Variants in MGRN1 observed in about 807,000 individuals in gnomAD.
MGRN1 encodes mahogunin ring finger 1.
MGRN1 carries 29 observed loss-of-function variants against 69.2 expected under a neutral mutation model. The observed-to-expected ratio is 0.42, with a 90% CI of 0.31 to 0.57. The LOEUF (loss-of-function observed/expected upper bound fraction) is 0.57, where lower values mean the gene tolerates loss of function less well. MGRN1 is among the 20% of genes least tolerant of loss of function. The probability of loss-of-function intolerance (pLI) is 0.15; values close to 1 mark genes in which losing one functional copy is unlikely to be tolerated. For missense variants in MGRN1, 998 were observed against 796.2 expected, an observed-to-expected ratio of 1.25 and a Z score of -3.05; for synonymous variants, 470 against 344.2, an observed-to-expected ratio of 1.37 and a Z score of -4.04.
Position 4,652,950 on chromosome 16 carries a change from T to C in MGRN1, c.443+126T>C. Reference sequence around the variant, plus strand: ...TGCTCTTTGACCATACTCCCAGGACTTTACCACGATGTGAGGGGTTTCTCC... The same window carrying C: ...TGCTCTTTGACCATACTCCCAGGACCTTACCACGATGTGAGGGGTTTCTCC... On this transcript the variant is annotated intron_variant, in intron 4 of 16. Transcript: ENST00000262370. The C allele has an allele frequency of 2.4e-6, 3 of 1,245,348 alleles. No homozygotes were observed. In the South Asian group the frequency reaches 5.3e-5, roughly 22 times the overall value. 77.1% of individuals were successfully genotyped at this position (1,245,348 alleles called of 1,614,324 possible).
chr16:4,667,552 C>T (rs2078832978), intron 7 of MGRN1, among the ~76,000 whole-genome samples: 1 of 152,208 alleles, frequency 6.6e-6, no homozygotes, highest in Non-Finnish European at 1.5e-5. Flanking sequence ...AAGTACAGAA[C>T]CCAGTGGGAA....
chr16:4,668,440 C>T, intron 8 of MGRN1, 128 bp downstream of exon 8: 2 of 926,698 alleles, frequency 2.2e-6, no homozygotes, highest in East Asian at 2.6e-5. Context: ...CTCATACACA[C>T]TCATACACAT....
intron 16 of MGRN1, chr16:4,686,225 G>A (rs568938992): frequency 1.6e-5 from 24 of 1,539,246 alleles, no homozygotes; most frequent in East Asian, 7.3e-5. Context: ...CTTGCTAACC[G>A]AGCTTCCGTC....
intron 1 of MGRN1, chr16:4,635,169 T>C (rs1404730844): frequency 6.6e-6 from 1 of 152,224 alleles, no homozygotes; most frequent in Non-Finnish European, 1.5e-5. Context: ...CCCAGCACTT[T>C]GGGAGGCTGA....
chr16:4,644,735 A>C (rs923683931), intron 1 of MGRN1, among the ~76,000 whole-genome samples: 1 of 152,242 alleles, frequency 6.6e-6, no homozygotes, highest in African/African-American at 2.4e-5. Flanking sequence ...TAGTACAAAA[A>C]TTAATGATTC....
Position 4,681,775 on chromosome 16 carries a change from A to G in MGRN1, c.1357A>G (p.Ser453Gly). The G allele has an allele frequency of 1.2e-6, 2 of 1,609,554 alleles. No individual in the cohort carries two copies. The highest frequency in any genetic ancestry group is 2.2e-5 in the South Asian group (2 of 90,874). ...CAGGCCGCAGAGCAAGGCCCCCGACAGGTGAGCAGCAGCCAGGCCAGGTGC... is the reference window on the plus strand; with the variant it reads ...CAGGCCGCAGAGCAAGGCCCCCGACGGGTGAGCAGCAGCCAGGCCAGGTGC... ...KGRPQSKAPDSTLRSPSSPIH... is the reference protein window; with the variant it reads ...KGRPQSKAPDGTLRSPSSPIH... The change falls in exon 13 of 17, where the codon AGC becomes GGC. Residue 453 changes from serine to glycine, a missense_variant and splice_region_variant. Transcript: ENST00000262370.
intron 4 of MGRN1, among the ~76,000 whole-genome samples, chr16:4,653,691 T>C (rs1047534712): frequency 6.6e-6 from 1 of 151,892 alleles, no homozygotes; most frequent in Non-Finnish European, 1.5e-5. Flanking sequence ...GGTTTCGCCA[T>C]GTTGGCCAGG....
At chr16:4,677,899 C>A (rs2079088952) in intron 11 of MGRN1, among the ~76,000 whole-genome samples, 1 of 150,750 alleles carries the variant, frequency 6.6e-6, no homozygotes, top group Admixed American at 6.6e-5. Flanking sequence ...CTGGTGTGCA[C>A]CCAAAGTGGT....
At chr16:4,640,030 T>A (rs1051431851) in intron 1 of MGRN1, 2 of 152,314 alleles carry the variant, frequency 1.3e-5, no homozygotes, top group African/African-American at 4.8e-5. Flanking sequence ...GCCCGCGTTC[T>A]TGGGAGGCCT....
rs748996089 is a variant in MGRN1 at position 4,688,329 on chromosome 16, C to T, written c.1619-467C>T. The T allele has an allele frequency of 1.3e-3, 1,281 of 988,596 alleles. 4 individuals carry two copies. The highest frequency in any genetic ancestry group is 1.4e-3 in the Non-Finnish European group (1,159 of 832,246). The allele number at this position is 988,596 out of a possible 1,614,324, so 61.2% of individuals were successfully genotyped here. ...GTGGGAGGCTCCTCTCTTTGCCTTG[C>T]AGTAGCCATCCGGGGGCTACTCTGA... On this transcript the variant is annotated intron_variant, in intron 16 of 16. Transcript: ENST00000262370.
At chr16:4,668,397 A>G in intron 8 of MGRN1, 85 bp downstream of exon 8, 1 of 1,365,344 alleles carries the variant, frequency 7.3e-7, no homozygotes, top group Non-Finnish European at 1.0e-6. Context: ...ACATAGACAC[A>G]CACTCATACA....
Position 4,673,534 on chromosome 16 carries a change from T to C in MGRN1, c.832T>C (p.Cys278Arg). ...DDENSDNSNE[C>R]VVCLSDLRDT... ...CGAGAACAGCGACAACAGCAACGAG[T>C]GTGTGGTGTGCCTGTCCGACCTGCG... is the stretch of plus-strand genomic sequence containing the variant. Residue 278 changes from cysteine (C) to arginine (R), a missense_variant, in exon 10 of 17, where the codon TGT becomes CGT. Coordinates refer to ENST00000262370, the MANE Select transcript of MGRN1 (RefSeq NM_015246.4). The C allele has an allele frequency of 2.5e-6, 4 of 1,613,250 alleles. No individual in the cohort carries two copies. The highest frequency in any genetic ancestry group is 3.4e-6 in the Non-Finnish European group (4 of 1,179,908).
At chr16:4,688,753 A>AG (rs2079392784) in intron 16 of MGRN1, 43 bp from the exon 17 acceptor site, 1 of 1,511,560 alleles carries the variant, frequency 6.6e-7, no homozygotes, top group Non-Finnish European at 8.9e-7. Flanking sequence ...GCGTGGCACC[A>AG]GGCATCCGAG....
chr16:4,641,874 A>G (rs2078167241), intron 1 of MGRN1, among the ~76,000 whole-genome samples: 4 of 151,132 alleles, frequency 2.6e-5, no homozygotes, highest in Admixed American at 2.6e-4. Flanking sequence ...GGCTGGTCTG[A>G]AATTCGTGGC....
chr16:4,675,355 C>T (rs1476946277), intron 10 of MGRN1, among the ~76,000 whole-genome samples: 1 of 152,032 alleles, frequency 6.6e-6, no homozygotes, highest in Non-Finnish European at 1.5e-5. Flanking sequence ...AAGTGGTCCT[C>T]GTGCCTCCTA....
chr16:4,664,896 A>G, intron 6 of MGRN1, 121 bp downstream of exon 6: 2 of 1,383,110 alleles, frequency 1.4e-6, no homozygotes, highest in Middle Eastern at 1.8e-4. Context: ...TGGGCTTCCC[A>G]CAGGGCAGGG....
At chr16:4,676,735 G>A (rs933033085) in intron 10 of MGRN1, among the ~76,000 whole-genome samples, 4 of 152,184 alleles carry the variant, frequency 2.6e-5, no homozygotes, top group Admixed American at 2.0e-4. Context: ...ACAGCAGCCT[G>A]TGGGGCCCTT....
intron 1 of MGRN1, among the ~76,000 whole-genome samples, chr16:4,630,438 T>TTTG (rs143122519): frequency 1.3e-4 from 19 of 151,378 alleles, no homozygotes; most frequent in South Asian, 2.1e-4. Context: ...TTTCTAGCAT[T>TTTG]TTGTTGTTGT....
At chr16:4,632,900 C>A (rs566472975) in intron 1 of MGRN1, among the ~76,000 whole-genome samples, 1 of 151,906 alleles carries the variant, frequency 6.6e-6, no homozygotes, top group Non-Finnish European at 1.5e-5. Flanking sequence ...CTGGGCAACA[C>A]GGCAAAACCT....
Sources: gnomAD v4.1 joint callset for allele counts (sites outside exome capture counted in the v4.1 genomes callset) on GRCh38, gnomAD v4.1.1 for gene constraint, MANE v1.5 for transcripts, NCBI Gene and HGNC (gene_info 2026-07-23, HGNC 2026-07-21) for gene names.